Variants in TPX2 observed in about 807,000 individuals in gnomAD.
TPX2 encodes the protein targeting protein for Xklp2.
TPX2 carries 21 observed loss-of-function variants against 93.6 expected under a neutral mutation model. The observed-to-expected ratio is 0.22, with a 90% CI of 0.16 to 0.32. The LOEUF (loss-of-function observed/expected upper bound fraction) is 0.32, where lower values mean the gene tolerates loss of function less well. TPX2 is among the 10% of genes least tolerant of loss of function. The pLI is 1.00. For missense variants in TPX2, 776 were observed against 871.1 expected (o/e 0.89, Z 1.37); for synonymous variants, 281 against 298.3 (o/e 0.94, Z 0.60).
intron 15 of TPX2, 59 bp downstream of exon 15, chr20:31,794,607 A>C (rs1271829732): frequency 2.5e-6 from 4 of 1,586,316 alleles, no homozygotes; most frequent in Non-Finnish European, 3.4e-6. Flanking sequence ...TTGTACAGGC[A>C]GACCCACCAT....
Position 31,757,619 on chromosome 20 carries a change from GTGGCTTGCTT to G in TPX2, c.106+40_106+49del, listed in dbSNP as rs747260330. On this transcript the variant is annotated intron_variant, in intron 3 of 17. Coordinates refer to ENST00000300403, the MANE Select transcript of TPX2 (RefSeq NM_012112.5). ...CTTTCTCTGGCTATTTTAAGGATTA[GTGGCTTGCTT>G]TGTGCTGAAGACCTTTCAATAATAG... The G allele has an allele frequency of 1.9e-6, 3 of 1,564,794 alleles. No homozygotes were observed. In the African/African-American group the frequency reaches 4.1e-5, roughly 21 times the overall value.
intron 9 of TPX2, among the ~76,000 whole-genome samples, chr20:31,777,908 C>T (rs1450003664): frequency 1.3e-5 from 2 of 152,038 alleles, no homozygotes; most frequent in East Asian, 3.8e-4. Context: ...TCCCAAGTAG[C>T]TGAGATTACA....
intron 4 of TPX2, among the ~76,000 whole-genome samples, chr20:31,764,583 T>C (rs1274037490): frequency 6.6e-6 from 1 of 152,222 alleles, no homozygotes; most frequent in Non-Finnish European, 1.5e-5. Context: ...GGTTTTAGCA[T>C]GGTATGTCTA....
Position 31,778,909 on chromosome 20 carries a change from C to T in TPX2, c.979C>T (p.Leu327Phe). 1 of 1,612,348 alleles carries T rather than the reference C, an allele frequency of 6.2e-7. No individual in the cohort carries two copies. The highest frequency in any genetic ancestry group is 8.5e-7 in the Non-Finnish European group (1 of 1,179,640). The change falls in exon 10 of 18, where the codon CTT becomes TTT. Residue 327 changes from leucine to phenylalanine, a missense_variant. By Grantham distance (22) the Leu-to-Phe change is conservative (BLOSUM62 0). Transcript: ENST00000300403. ...FDETVSTYVP[L>F]AQQVEDFHKR... ...TGAAACAGTTTCTACATATGTGCCC[C>T]TTGCACAGCAAGTTGAAGACTTCCA...
chr20:31,793,752 A>G (rs1600393782), intron 13 of TPX2, 96 bp from the exon 14 acceptor site: 1 of 1,193,360 alleles, frequency 8.4e-7, no homozygotes, highest in South Asian at 2.4e-5. Context: ...TGTTTTAATT[A>G]ATGCCACATA....
chr20:31,747,245 C>T (rs553792848), intron 2 of TPX2, among the ~76,000 whole-genome samples: 5 of 152,200 alleles, frequency 3.3e-5, no homozygotes, highest in East Asian at 3.9e-4. Flanking sequence ...CTCAGCCTCC[C>T]GAGTAGCTGG....
chr20:31,776,382 T>C (rs1176462366), intron 8 of TPX2, among the ~76,000 whole-genome samples: 1 of 151,530 alleles, frequency 6.6e-6, no homozygotes, highest in East Asian at 2.0e-4. Context: ...ACCCGGCCAG[T>C]AGGTGTTTTT....
chr20:31,798,480 G>A lies in TPX2; in HGVS notation c.2061G>A (p.Gln687=). 2 of 1,613,760 alleles carry A rather than the reference G, an allele frequency of 1.2e-6. No homozygotes were observed. The highest frequency in any genetic ancestry group is 1.7e-6 in the Non-Finnish European group (2 of 1,180,030). ...RMAEVEAQKA[Q]QLEEARLQEE... ...CTGAGGTAGAAGCCCAGAAAGCCCA[G>A]CAGTTGGAGGAGGCCAGACTACAGG... The change falls in exon 17 of 18, where the codon CAG becomes CAA. Residue 687 remains glutamine (Q), a synonymous_variant. Coordinates refer to ENST00000300403, the MANE Select transcript of TPX2 (RefSeq NM_012112.5).
chr20:31,791,808 G>A (rs2062103406), intron 12 of TPX2, among the ~76,000 whole-genome samples: 2 of 152,136 alleles, frequency 1.3e-5, no homozygotes, highest in African/African-American at 4.8e-5. Context: ...AGTGTAACAA[G>A]AAATTACTGA....
intron 4 of TPX2, among the ~76,000 whole-genome samples, chr20:31,761,794 T>C (rs1255000607): frequency 6.6e-6 from 1 of 152,194 alleles, no homozygotes; most frequent in Non-Finnish European, 1.5e-5. Flanking sequence ...CTGGATCATA[T>C]GGTAATTATA....
At chr20:31,750,162 CTTT>C (rs767712530) in intron 2 of TPX2, among the ~76,000 whole-genome samples, 2 of 137,652 alleles carry the variant, frequency 1.5e-5, no homozygotes. Flanking sequence ...GTCTCGATTT[CTTT>C]TTTTTTTTTG....
At chr20:31,768,830 CAT>C (rs2061945566) in intron 5 of TPX2, among the ~76,000 whole-genome samples, 1 of 152,010 alleles carries the variant, frequency 6.6e-6, no homozygotes, top group South Asian at 2.1e-4. Context: ...GGCCGATACA[CAT>C]GTGAAAATGT....
At chr20:31,747,117 G>T (rs1205476720) in intron 2 of TPX2, among the ~76,000 whole-genome samples, 1 of 151,978 alleles carries the variant, frequency 6.6e-6, no homozygotes, top group Non-Finnish European at 1.5e-5. Flanking sequence ...GGAGGGAAGA[G>T]ATTTTTTTTT....
intron 17 of TPX2, among the ~76,000 whole-genome samples, chr20:31,799,636 A>G (rs1389254491): frequency 6.6e-6 from 1 of 152,210 alleles, no homozygotes; most frequent in Admixed American, 6.5e-5. Flanking sequence ...ATGGTGGCTC[A>G]CACCTGTAAT....
At chr20:31,788,515 T>C (rs2062081428) in intron 12 of TPX2, among the ~76,000 whole-genome samples, 1 of 152,050 alleles carries the variant, frequency 6.6e-6, no homozygotes, top group African/African-American at 2.4e-5. Context: ...GCAGCTTGTC[T>C]GTCTGATGCT....
At chr20:31,755,197 C>T (rs1222933246) in intron 2 of TPX2, among the ~76,000 whole-genome samples, 2 of 152,102 alleles carry the variant, frequency 1.3e-5, no homozygotes, top group Non-Finnish European at 2.9e-5. Context: ...ATCCACCCGC[C>T]TTGGCCTCCC....
chr20:31,772,297 A>C (rs552072283), intron 7 of TPX2, among the ~76,000 whole-genome samples: 1 of 152,106 alleles, frequency 6.6e-6, no homozygotes, highest in Non-Finnish European at 1.5e-5. Flanking sequence ...CTGGGATTAC[A>C]GGTGTGAGCC....
chr20:31,789,728 G>A (rs893246887), intron 12 of TPX2, among the ~76,000 whole-genome samples: 26 of 152,216 alleles, frequency 1.7e-4, no homozygotes, highest in Non-Finnish European at 3.1e-4. Flanking sequence ...TGAGTGGATA[G>A]TTGCTGCAAA....
At chr20:31,787,457 A>G (rs1286358099) in intron 12 of TPX2, among the ~76,000 whole-genome samples, 1 of 151,896 alleles carries the variant, frequency 6.6e-6, no homozygotes, top group Non-Finnish European at 1.5e-5. Context: ...ACTTTTCAGA[A>G]AGGGAGGTTT....
Sources: gnomAD v4.1 joint callset for allele counts (sites outside exome capture counted in the v4.1 genomes callset) on GRCh38, gnomAD v4.1.1 for gene constraint, MANE v1.5 for transcripts, NCBI Gene and HGNC (gene_info 2026-07-23, HGNC 2026-07-21) for gene names.